PPP2R1A: variants seen among roughly 807,000 people sequenced by gnomAD.
The protein encoded by PPP2R1A is protein phosphatase 2 scaffold subunit Aalpha.
PPP2R1A carries 15 observed loss-of-function variants against 67.1 expected under a neutral mutation model. The observed-to-expected ratio is 0.22, with a 90% CI of 0.15 to 0.34. The LOEUF is 0.34. PPP2R1A is among the 10% of genes least tolerant of loss of function. The pLI is 1.00. For synonymous variants in PPP2R1A, 337 were observed against 325.0 expected (o/e 1.04, Z -0.40); for missense variants, 369 against 775.0 (o/e 0.48, Z 6.22).
intron 1 of PPP2R1A, chr19:52,201,663 T>G (rs2089550634): frequency 2.3e-6 from 1 of 430,154 alleles, no homozygotes; most frequent in Non-Finnish European, 4.4e-6. Flanking sequence ...GAGTACAGTT[T>G]TCAACAGAGT....
rs2089664392 is a variant in PPP2R1A, at chr19:52,211,077, A to G, written c.271-183A>G. Reference sequence around the variant, plus strand: ...GAGACCTTCTGCTGGCTGGCATAATATTACGTTTTTCCTTTGAGTCATTCA... The same window carrying G: ...GAGACCTTCTGCTGGCTGGCATAATGTTACGTTTTTCCTTTGAGTCATTCA... On this transcript the variant is annotated intron_variant, in intron 3 of 14. Transcript: ENST00000322088. This position sits in a 1 kb window ranked among gnomAD's most constrained non-coding sequence, Gnocchi z 5.3. 6.6e-6 allele frequency among the ~76,000 whole-genome samples: 1 copy of G among 152,182 alleles called. No homozygotes were observed. Among genetic ancestry groups the G allele is most frequent in the African/African-American group, 2.4e-5 (1 of 41,448 alleles).
Position 52,207,879 on chromosome 19 carries a change from A to AG in PPP2R1A, c.270+1822dup, listed in dbSNP as rs946225621. On this transcript the variant is annotated intron_variant, in intron 3 of 14. Transcript: ENST00000322088. ...TTTCAGAGCTGTAAACAAGGGAGGC[A>AG]GGGGGGTCCTTAAACCCAGGGAAGG... Among the ~76,000 whole-genome samples the AG allele has an allele frequency of 3.9e-5, 6 of 152,258 alleles. No homozygotes were observed. In the South Asian group the frequency reaches 6.2e-4, roughly 16 times the overall value.
intron 1 of PPP2R1A, among the ~76,000 whole-genome samples, chr19:52,192,345 T>C (rs2089462184): frequency 6.6e-6 from 1 of 151,902 alleles, no homozygotes; most frequent in South Asian, 2.1e-4. Flanking sequence ...TGTTGCTCTG[T>C]TTCCCAGGCT....
At position 52,215,542 on chromosome 19, in the gene PPP2R1A, A is replaced by T. The variant is rs116881117; in HGVS notation, c.808-237A>T. 6.5e-4 allele frequency among the ~76,000 whole-genome samples: 99 copies of T among 152,326 alleles called. 1 individual carries two copies. In the East Asian group the frequency reaches 0.018, roughly 28 times the overall value. On this transcript the variant is annotated intron_variant, in intron 6 of 14. Coordinates refer to ENST00000322088, the MANE Select transcript of PPP2R1A (RefSeq NM_014225.6). ...AAATGTGTTATTTTTAATGCTGACA[A>T]CACCGTGAGGTAGGTGCCCTCGCAG...
chr19:52,223,041 T>C lies in PPP2R1A; in HGVS notation c.1661+800T>C, dbSNP rs111913382. Among the ~76,000 whole-genome samples the C allele has an allele frequency of 1.4e-3, 212 of 152,338 alleles. 1 individual carries two copies. The highest frequency in any genetic ancestry group is 4.8e-3 in the African/African-American group (200 of 41,566). ...TTACACTACCAGAGACGAAGACTTATGACACCACAATAATTAAAATAGATG... is the reference window on the plus strand; with the variant it reads ...TTACACTACCAGAGACGAAGACTTACGACACCACAATAATTAAAATAGATG... On this transcript the variant is annotated intron_variant, in intron 13 of 14. Transcript: ENST00000322088.
intron 1 of PPP2R1A, 192 bp downstream of exon 1, chr19:52,190,366 A>T: frequency 1.5e-6 from 1 of 667,422 alleles, no homozygotes; most frequent in South Asian, 1.9e-5. Context: ...GGCCCAGTGG[A>T]GGGCGGGGGC....
intron 1 of PPP2R1A, among the ~76,000 whole-genome samples, chr19:52,195,130 G>T (rs973872960): frequency 6.6e-6 from 1 of 152,104 alleles, no homozygotes; most frequent in African/African-American, 2.4e-5. Flanking sequence ...ATTATGGAAG[G>T]CTCCATGGGT....
At position 52,219,711 on chromosome 19, in the gene PPP2R1A, C is replaced by T; in HGVS notation, c.1149C>T (p.Asn383=). ...CTCAGTGCCCTGAGGTACGGCTGAA[C>T]ATCATCTCTAACCTGGACTGTGTGA... ...LKDECPEVRL[N]IISNLDCVNE... The change falls in exon 10 of 15, where the codon AAC becomes AAT. Residue 383 remains asparagine, a synonymous_variant. Coordinates refer to ENST00000322088, the MANE Select transcript of PPP2R1A (RefSeq NM_014225.6). This position sits in a 1 kb window ranked among gnomAD's most constrained non-coding sequence, Gnocchi z 4.0. The T allele has an allele frequency of 1.2e-6, 2 of 1,613,380 alleles. No individual in the cohort carries two copies. Among genetic ancestry groups the T allele is most frequent in the Non-Finnish European group, 1.7e-6 (2 of 1,179,480 alleles).
At chr19:52,192,953 G>A (rs563464197) in intron 1 of PPP2R1A, among the ~76,000 whole-genome samples, 1 of 152,204 alleles carries the variant, frequency 6.6e-6, no homozygotes, top group African/African-American at 2.4e-5. Flanking sequence ...AGAGATGGCC[G>A]CAAAGCTTCA....
At chr19:52,210,048 A>C (rs1846409433) in intron 3 of PPP2R1A, among the ~76,000 whole-genome samples, 1 of 152,022 alleles carries the variant, frequency 6.6e-6, no homozygotes, top group Non-Finnish European at 1.5e-5. Context: ...GGCTGATGGC[A>C]TCATTCTGTT....
At chr19:52,201,796 C>T (rs529623618) in intron 1 of PPP2R1A, 148 bp from the exon 2 acceptor site, 1 of 642,720 alleles carries the variant, frequency 1.6e-6, no homozygotes, top group Non-Finnish European at 2.8e-6. Context: ...CACAGGGTCT[C>T]TTGGTGGGTG....
At position 52,213,466 on chromosome 19, in the gene PPP2R1A, T is replaced by TG. The variant is rs1483548502; in HGVS notation, c.807+356_807+357insG. Among the ~76,000 whole-genome samples the TG allele has an allele frequency of 2.8e-5, 3 of 108,356 alleles. No homozygotes were observed. The highest frequency in any genetic ancestry group is 1.3e-4 in the African/African-American group (3 of 22,692). 71.1% of individuals were successfully genotyped at this position (108,356 alleles called of 152,430 possible). A position where few individuals can be genotyped will look rare whatever the true frequency, so the allele number is the denominator to read the frequency against. ...GGTGGGGTTTTTTGGTGTTTTTTTT[T>TG]TTTTTTTTTTTTTTTTTTTTTAAGA... is the stretch of plus-strand genomic sequence containing the variant. On this transcript the variant is annotated intron_variant, in intron 6 of 14. Transcript: ENST00000322088. This position sits in a 1 kb window ranked among gnomAD's most constrained non-coding sequence, Gnocchi z 4.2.
chr19:52,210,366 C>A (rs2089652551), intron 3 of PPP2R1A, among the ~76,000 whole-genome samples: 1 of 152,158 alleles, frequency 6.6e-6, no homozygotes, highest in Admixed American at 6.5e-5. Flanking sequence ...ACATGAGATC[C>A]CAATTCAGTC....
intron 1 of PPP2R1A, among the ~76,000 whole-genome samples, chr19:52,199,312 G>A (rs1334948972): frequency 2.0e-5 from 3 of 152,128 alleles, no homozygotes; most frequent in East Asian, 3.9e-4. Context: ...GACTATAGGC[G>A]CCCGCCACCA....
chr19:52,220,669 C>T (rs1034872002), intron 11 of PPP2R1A, among the ~76,000 whole-genome samples: 4 of 152,170 alleles, frequency 2.6e-5, no homozygotes, highest in South Asian at 2.1e-4. Context: ...ATATTTATCT[C>T]TGTGAAGCCC....
At chr19:52,221,179 C>T (rs748750143) in intron 12 of PPP2R1A, 46 bp downstream of exon 12, 52 of 1,610,170 alleles carry the variant, frequency 3.2e-5, no homozygotes, top group East Asian at 8.9e-5. Context: ...GGAACTGGAG[C>T]GCGTGGGAGA....
chr19:52,210,595 G>C (rs1169378644), intron 3 of PPP2R1A, among the ~76,000 whole-genome samples: 2 of 151,426 alleles, frequency 1.3e-5, no homozygotes, highest in Non-Finnish European at 2.9e-5. Flanking sequence ...CGGGTTCAAG[G>C]ATTCTTCTGC....
In PPP2R1A at chr19:52,213,113, AG is replaced by A. The variant is rs757701838; in HGVS notation, c.807+4del. 2.0e-4 allele frequency: 308 copies of A among 1,557,582 alleles called. 4 individuals carry two copies. The South Asian group carries it at 2.4e-3, about 12-fold the overall frequency. On this transcript the variant is annotated splice_donor_region_variant and intron_variant, in intron 6 of 14. Coordinates refer to ENST00000322088, the MANE Select transcript of PPP2R1A (RefSeq NM_014225.6). The surrounding 1 kb of genome is among the most constrained non-coding windows in gnomAD (Gnocchi z 4.2). ...TGGTGGCTGACAAGTTCACAGAGGT[AG>A]ATGAGCGACCGTTGACATTGTCCCA...
Position 52,190,181 on chromosome 19 carries a change from AG to A in PPP2R1A, c.78+9del. The A allele has an allele frequency of 6.4e-7, 1 of 1,550,398 alleles. No individual in the cohort carries two copies. The highest frequency in any genetic ancestry group is 1.7e-4 in the Middle Eastern group (1 of 5,984). ...CCGCAATGAGGACGTTCAGGTCCGGAGGCTACGGGGGACTTGGGGAAGACGC... is the reference window on the plus strand; with the variant it reads ...CCGCAATGAGGACGTTCAGGTCCGGAGCTACGGGGGACTTGGGGAAGACGC... On this transcript the variant is annotated splice_region_variant and intron_variant, in intron 1 of 14. Coordinates refer to ENST00000322088, the MANE Select transcript of PPP2R1A (RefSeq NM_014225.6).
Sources: gnomAD v4.1 joint callset for allele counts (sites outside exome capture counted in the v4.1 genomes callset) on GRCh38, gnomAD v4.1.1 for gene constraint, Gnocchi (gnomAD v3.1) non-coding constraint, MANE v1.5 for transcripts, NCBI Gene and HGNC (gene_info 2026-07-23, HGNC 2026-07-21) for gene names.